The following CEP126 variants were observed in gnomAD, a reference collection of about 807,000 sequenced individuals.
CEP126 encodes the protein centrosomal protein of 126 kDa.
A neutral mutation model predicts 107.8 loss-of-function variants in CEP126; 74 were observed. The observed-to-expected ratio is 0.69, with a 90% CI of 0.57 to 0.83. CEP126 has a LOEUF of 0.83. CEP126 is among the 40% of genes least tolerant of loss of function. CEP126 has a pLI of 0.00. For synonymous variants in CEP126, 449 were observed against 446.0 expected (o/e 1.01, Z -0.08); for missense variants, 1,237 against 1,281.9 (o/e 0.96, Z 0.53).
chr11:101,942,056 GA>G (rs1940672588), intron 2 of CEP126, among the ~76,000 whole-genome samples: 1 of 151,962 alleles, frequency 6.6e-6, no homozygotes, highest in African/African-American at 2.4e-5. Context: ...TATGTGATTG[GA>G]AATATTTTCT....
At position 101,969,473 on chromosome 11, in the gene CEP126, G is replaced by C. The variant is rs555512676; in HGVS notation, c.2845+5593G>C. ...GGGGTATGGAAAAAAAATTAAAGAA[G>C]ATCTATGAAATAGCGGAGCAGGGGG... is the stretch of plus-strand genomic sequence containing the variant. On this transcript the variant is annotated intron_variant, in intron 6 of 10. Coordinates refer to ENST00000263468, the MANE Select transcript of CEP126 (RefSeq NM_020802.4). Among the ~76,000 whole-genome samples the C allele has an allele frequency of 7.2e-5, 11 of 152,244 alleles. No homozygotes were observed. The South Asian group carries it at 2.1e-3, about 29-fold the overall frequency.
Position 101,915,429 on chromosome 11 carries a change from G to C in CEP126, c.128+17G>C, listed in dbSNP as rs1317470066. ...CTCTTACCTGTATCCTTCCCAGCCTGTGGCTGCCAGGGTAGCGATGTTGAA... is the reference window on the plus strand; with the variant it reads ...CTCTTACCTGTATCCTTCCCAGCCTCTGGCTGCCAGGGTAGCGATGTTGAA... On this transcript the variant is annotated intron_variant, in intron 1 of 10. Coordinates refer to ENST00000263468, the MANE Select transcript of CEP126 (RefSeq NM_020802.4). 1.9e-6 allele frequency: 3 copies of C among 1,596,632 alleles called. No homozygotes were observed. Among genetic ancestry groups the C allele is most frequent in the Admixed American group, 3.4e-5 (2 of 58,450 alleles).
In CEP126 at chr11:101,961,836, A is replaced by G. The variant is rs749839838; in HGVS notation, c.801A>G (p.Thr267=). ...CAGAGCATGAAGAAATATATTTAAC[A>G]CTTAATAAGGAGCATTCCACATCCA... ...EATEHEEIYL[T]LNKEHSTSIQ... Residue 267 remains threonine (T), a synonymous_variant, in exon 6 of 11, where the codon ACA becomes ACG. Transcript: ENST00000263468. The G allele has an allele frequency of 3.1e-6, 5 of 1,610,816 alleles. No individual in the cohort carries two copies. The highest frequency in any genetic ancestry group is 4.2e-6 in the Non-Finnish European group (5 of 1,177,662).
intron 6 of CEP126, among the ~76,000 whole-genome samples, chr11:101,969,781 C>G (rs1427678482): frequency 6.6e-6 from 1 of 151,946 alleles, no homozygotes; most frequent in Non-Finnish European, 1.5e-5. Context: ...ATAGAGAGTC[C>G]AGAAACAGAC....
In CEP126 at chr11:101,987,042, G is replaced by T. The variant is rs1399413848; in HGVS notation, c.3244+1G>T. 6.4e-7 allele frequency: 1 copy of T among 1,572,308 alleles called. No homozygotes were observed. The highest frequency in any genetic ancestry group is 8.7e-7 in the Non-Finnish European group (1 of 1,143,542). Reference sequence around the variant, plus strand: ...AATGATCTCAGTGAAAGACTACATTGTAAGTATGGAAGAACACCTTTTATA... The same window carrying T: ...AATGATCTCAGTGAAAGACTACATTTTAAGTATGGAAGAACACCTTTTATA... On this transcript the variant is annotated splice_donor_variant, in intron 9 of 10. Coordinates refer to ENST00000263468, the MANE Select transcript of CEP126 (RefSeq NM_020802.4). LOFTEE classifies it high-confidence loss of function.
At chr11:101,960,426 G>A (rs113329235) in intron 5 of CEP126, among the ~76,000 whole-genome samples, 6 of 152,248 alleles carry the variant, frequency 3.9e-5, no homozygotes, top group African/African-American at 1.4e-4. Context: ...CTCAAAGGAT[G>A]CCTTCCAGGC....
chr11:101,948,078 C>G lies in CEP126; in HGVS notation c.442C>G (p.Gln148Glu), dbSNP rs1940763057. Residue 148 changes from glutamine to glutamate, a missense_variant, in exon 4 of 11, where the codon CAG becomes GAG. Gln to Glu is a conservative substitution (Grantham distance 29). Coordinates refer to ENST00000263468, the MANE Select transcript of CEP126 (RefSeq NM_020802.4). ...ATTAGAAGAGGCCCTCAAACAAATT[C>G]AGGAATCCAACTTAAAATCAGAAGT... The part of the protein sequence containing the change: ...PPLEEALKQI[Q>E]ESNLKSEVNL... 6.2e-7 allele frequency: 1 copy of G among 1,611,992 alleles called. No homozygotes were observed. Among genetic ancestry groups the G allele is most frequent in the Admixed American group, 1.7e-5 (1 of 59,958 alleles).
At chr11:101,994,031 C>T (rs973767765) in intron 10 of CEP126, among the ~76,000 whole-genome samples, 8 of 152,200 alleles carry the variant, frequency 5.3e-5, no homozygotes, top group Admixed American at 2.0e-4. Flanking sequence ...GTCAGTAGTT[C>T]GAGACCAGCC....
At chr11:101,970,943 T>C (rs1291666087) in intron 6 of CEP126, among the ~76,000 whole-genome samples, 2 of 152,196 alleles carry the variant, frequency 1.3e-5, no homozygotes, top group Non-Finnish European at 2.9e-5. Context: ...ATTATGATTC[T>C]ATGTTCTTAA....
At chr11:101,987,757 A>G (rs892422028) in intron 9 of CEP126, among the ~76,000 whole-genome samples, 1 of 152,170 alleles carries the variant, frequency 6.6e-6, no homozygotes, top group African/African-American at 2.4e-5. Flanking sequence ...ATCACAGTCT[A>G]ATACAAGTAT....
chr11:101,954,273 G>T (rs990738341), intron 4 of CEP126, among the ~76,000 whole-genome samples: 2 of 152,086 alleles, frequency 1.3e-5, no homozygotes, highest in Non-Finnish European at 2.9e-5. Context: ...TGATCCACCC[G>T]CCTCGGCCTC....
intron 4 of CEP126, 90 bp from the exon 5 acceptor site, chr11:101,958,078 C>T (rs568725086): frequency 2.0e-5 from 21 of 1,037,936 alleles, no homozygotes; most frequent in Admixed American, 1.7e-4. Context: ...CAAACACACA[C>T]GTATTACACC....
At chr11:101,946,109 A>G (rs1465344963) in intron 3 of CEP126, among the ~76,000 whole-genome samples, 2 of 152,158 alleles carry the variant, frequency 1.3e-5, no homozygotes, top group Non-Finnish European at 2.9e-5. Flanking sequence ...AGTGTAAGAG[A>G]TAAGATTCAT....
intron 2 of CEP126, among the ~76,000 whole-genome samples, chr11:101,932,878 A>G (rs2137086873): frequency 6.6e-6 from 1 of 152,288 alleles, no homozygotes; most frequent in East Asian, 1.9e-4. Flanking sequence ...CCTGAACCGT[A>G]TCTGTTTTAC....
rs1941497371 is a variant in CEP126, at chr11:102,000,660, C to G, written c.*3017C>G. ...TGATCAGGAATTGTGCCACTGCACT[C>G]CAACCTGAGTGACAGAGCAACACTC... On this transcript the variant is annotated 3_prime_UTR_variant, in exon 11 of 11. Coordinates refer to ENST00000263468, the MANE Select transcript of CEP126 (RefSeq NM_020802.4). The G allele has an allele frequency of 6.6e-6, 1 of 151,462 alleles. No individual in the cohort carries two copies. Among genetic ancestry groups the G allele is most frequent in the Admixed American group, 6.6e-5 (1 of 15,202 alleles). The allele number at this position is 151,462 out of a possible 1,614,324, so 9.4% of individuals were successfully genotyped here.
intron 9 of CEP126, among the ~76,000 whole-genome samples, chr11:101,988,101 A>T (rs1386220983): frequency 2.0e-5 from 3 of 152,232 alleles, no homozygotes; most frequent in African/African-American, 7.2e-5. Flanking sequence ...ACTATAAATA[A>T]CTATGCTTGT....
At chr11:101,924,565 A>C (rs1046351314) in intron 2 of CEP126, among the ~76,000 whole-genome samples, 3 of 152,068 alleles carry the variant, frequency 2.0e-5, no homozygotes, top group Non-Finnish European at 4.4e-5. Flanking sequence ...TCCCAGATTC[A>C]AACGATTCCC....
chr11:101,995,697 T>C (rs1941433736), intron 10 of CEP126, among the ~76,000 whole-genome samples: 1 of 152,252 alleles, frequency 6.6e-6, no homozygotes, highest in Non-Finnish European at 1.5e-5. Flanking sequence ...CTTCTTTTGC[T>C]GGACTTCTCT....
Position 101,997,763 on chromosome 11 carries a change from C to G in CEP126, c.*120C>G. The G allele has an allele frequency of 1.4e-6, 2 of 1,400,866 alleles. No individual in the cohort carries two copies. Among genetic ancestry groups the G allele is most frequent in the Non-Finnish European group, 2.0e-6 (2 of 1,014,440 alleles). The allele number at this position is 1,400,866 out of a possible 1,614,324, so 86.8% of individuals were successfully genotyped here. ...GCAACAACCCCCATGAACATTTGTCCTAACTCAGATTTTGTGAGCAGTGAA... is the reference window on the plus strand; with the variant it reads ...GCAACAACCCCCATGAACATTTGTCGTAACTCAGATTTTGTGAGCAGTGAA... On this transcript the variant is annotated 3_prime_UTR_variant, in exon 11 of 11. Coordinates refer to ENST00000263468, the MANE Select transcript of CEP126 (RefSeq NM_020802.4).
Sources: allele counts gnomAD v4.1 joint callset (sites outside exome capture counted in the v4.1 genomes callset), GRCh38; gene constraint gnomAD v4.1.1; transcripts MANE v1.5; gene names NCBI Gene and HGNC (gene_info 2026-07-23, HGNC 2026-07-21).